CYP24A1: variants seen among roughly 807,000 people sequenced by gnomAD.
CYP24A1 encodes the protein 1,25-dihydroxyvitamin D(3) 24-hydroxylase, mitochondrial.
CYP24A1 carries 68 observed loss-of-function variants against 62.4 expected under a neutral mutation model. The observed-to-expected ratio is 1.09, with a 90% CI of 0.90 to 1.33. The LOEUF is 1.33. Ranked by LOEUF, CYP24A1 falls within the 40% of genes most tolerant of loss-of-function variation. The pLI is 0.00. For synonymous variants in CYP24A1, 267 were observed against 253.0 expected, an observed-to-expected ratio of 1.06 and a Z score of -0.52; for missense variants, 787 against 653.0, an observed-to-expected ratio of 1.21 and a Z score of -2.24.
In CYP24A1 at chr20:54,153,811, C is replaced by CA. The variant is rs1421556905; in HGVS notation, c.*960dup. The CA allele has an allele frequency of 6.6e-6, 1 of 152,566 alleles. No individual in the cohort carries two copies. Among genetic ancestry groups the CA allele is most frequent in the Non-Finnish European group, 1.5e-5 (1 of 68,012 alleles). The allele number at this position is 152,566 out of a possible 1,614,324, so 9.5% of individuals were successfully genotyped here. Reference sequence around the variant, plus strand: ...TGAAATCATATTTTTCCTAGGAGTTCAAATCACAAAACAAATGTTATATAA... The same window carrying CA: ...TGAAATCATATTTTTCCTAGGAGTTCAAAATCACAAAACAAATGTTATATAA... On this transcript the variant is annotated 3_prime_UTR_variant, in exon 12 of 12. Coordinates refer to ENST00000216862, the MANE Select transcript of CYP24A1 (RefSeq NM_000782.5).
chr20:54,154,555 T>C lies in CYP24A1; in HGVS notation c.*217A>G, dbSNP rs922900713. ...GGTAGGCAGGGCCTGAAACGGTTTG[T>C]AACCTCTACCTGACTGACAAGTGCC... is the stretch of plus-strand genomic sequence containing the variant. On this transcript the variant is annotated 3_prime_UTR_variant, in exon 12 of 12. Transcript: ENST00000216862. 1 of 152,630 alleles carries C rather than the reference T, an allele frequency of 6.6e-6. No homozygotes were observed. The highest frequency in any genetic ancestry group is 2.4e-5 in the African/African-American group (1 of 41,448). The allele number at this position is 152,630 out of a possible 1,614,324, so 9.5% of individuals were successfully genotyped here. A position where few individuals can be genotyped will look rare whatever the true frequency, so the allele number is the denominator to read the frequency against.
At chr20:54,157,363 T>G (rs2092632523) in intron 10 of CYP24A1, 25 bp downstream of exon 10, 6 of 1,529,104 alleles carry the variant, frequency 3.9e-6, no homozygotes, top group Non-Finnish European at 5.4e-6. Flanking sequence ...CAGAACATAA[T>G]TGCAGAAACC....
At chr20:54,158,060 GTA>G in intron 9 of CYP24A1, 24 bp downstream of exon 9, 1 of 1,612,282 alleles carries the variant, frequency 6.2e-7, no homozygotes, top group Non-Finnish European at 8.5e-7. Flanking sequence ...GTTTTGTAAG[GTA>G]TAGAATATAC....
chr20:54,165,641 T>C (rs1041647689), intron 5 of CYP24A1, 101 bp downstream of exon 5: 15 of 786,908 alleles, frequency 1.9e-5, no homozygotes, highest in African/African-American at 1.9e-4. Context: ...TGAAATAAAA[T>C]ATGTGTGTAT....
intron 4 of CYP24A1, among the ~76,000 whole-genome samples, chr20:54,166,666 A>C (rs78851953): frequency 0.02 from 2,997 of 152,228 alleles, 55 homozygotes; most frequent in Non-Finnish European, 0.028. Context: ...TCCATAAAAA[A>C]TCTACTGTGT....
At chr20:54,149,032 C>T (rs576505847), downstream of CYP24A1, among the ~76,000 whole-genome samples, 3 of 152,278 alleles carry the variant, frequency 2.0e-5, no homozygotes, top group Admixed American at 6.5e-5. Context: ...TAGTAGGATA[C>T]AGATGGCGTA....
At chr20:54,164,017 C>A (rs2146484424) in intron 6 of CYP24A1, among the ~76,000 whole-genome samples, 1 of 152,266 alleles carries the variant, frequency 6.6e-6, no homozygotes, top group South Asian at 2.1e-4. Context: ...CTCACTGCAA[C>A]CTCCGCCTCC....
chr20:54,151,720 G>A (rs1403743478), downstream of CYP24A1, among the ~76,000 whole-genome samples: 3 of 151,758 alleles, frequency 2.0e-5, no homozygotes, highest in African/African-American at 4.8e-5. Context: ...GTGCCACCAC[G>A]CCCAGCTAAT....
At chr20:54,159,228 C>A in intron 7 of CYP24A1, 105 bp from the exon 8 acceptor site, 1 of 888,976 alleles carries the variant, frequency 1.1e-6, no homozygotes, top group Non-Finnish European at 1.9e-6. Flanking sequence ...GCAAATGTAT[C>A]AGTGAAGCTC....
At chr20:54,150,336 T>C (rs1056956240), downstream of CYP24A1, among the ~76,000 whole-genome samples, 3 of 152,150 alleles carry the variant, frequency 2.0e-5, no homozygotes, top group African/African-American at 7.2e-5. Flanking sequence ...AAATCCTAGA[T>C]TTTATTTTAT....
At chr20:54,165,721 T>G (rs371538155) in intron 5 of CYP24A1, 21 bp downstream of exon 5, 1 of 1,196,072 alleles carries the variant, frequency 8.4e-7, no homozygotes, top group Admixed American at 1.7e-5. Flanking sequence ...AGAAAACTGC[T>G]TTCTTAAAGA....
rs767854971 is a variant in CYP24A1 at position 54,173,096 on chromosome 20, C to G, written c.262G>C (p.Glu88Gln). ...ATCTTGCCATACTTCTTGTGGTACT[C>G]CACCTGCAGCCGGCCGGGCACAGCG... is the stretch of plus-strand genomic sequence containing the variant. ...GLKKQHDTLV[E>Q]YHKKYGKIFR... is the part of the protein sequence containing the mutation. The change falls in exon 2 of 12, where the codon GAG becomes CAG. Residue 88 changes from glutamate (E) to glutamine (Q), a missense_variant. Physicochemically the swap from Glu to Gln is conservative, Grantham distance 29. Transcript: ENST00000216862. The surrounding 1 kb of genome is among the most constrained non-coding windows in gnomAD (Gnocchi z 7.2). 10 of 1,602,278 alleles carry G rather than the reference C, an allele frequency of 6.2e-6. No homozygotes were observed. The highest frequency in any genetic ancestry group is 3.3e-5 in the Admixed American group (2 of 60,010).
At chr20:54,153,161 C>T (rs190578061), downstream of CYP24A1, among the ~76,000 whole-genome samples, 493 of 152,290 alleles carry the variant, frequency 3.2e-3, 2 homozygotes, top group African/African-American at 0.012. Context: ...TTCTACCCCC[C>T]TTTCAATCAC....
At chr20:54,157,610 T>C in intron 9 of CYP24A1, 25 bp from the exon 10 acceptor site, 1 of 1,345,542 alleles carries the variant, frequency 7.4e-7, no homozygotes, top group Non-Finnish European at 1.1e-6. Flanking sequence ...AGACACATAG[T>C]ATTTAAAATA....
chr20:54,173,604 G>A lies in CYP24A1; in HGVS notation c.-25C>T, dbSNP rs1568976985. On this transcript the variant is annotated 5_prime_UTR_variant, in exon 1 of 12. Transcript: ENST00000216862. The surrounding 1 kb of genome is among the most constrained non-coding windows in gnomAD (Gnocchi z 7.2). The stretch of plus-strand genomic sequence containing the variant: ...TGGCAGCGGGGGACACCGGAGCGCG[G>A]GAAGGCAGGAGGATGGGGTGGGGCG... 6.5e-7 allele frequency: 1 copy of A among 1,550,016 alleles called. No homozygotes were observed. Among genetic ancestry groups the A allele is most frequent in the Non-Finnish European group, 8.7e-7 (1 of 1,148,860 alleles).
intron 4 of CYP24A1, among the ~76,000 whole-genome samples, chr20:54,168,414 T>G (rs1052731301): frequency 2.6e-5 from 4 of 151,980 alleles, no homozygotes; most frequent in Non-Finnish European, 4.4e-5. Context: ...CCTGCCTTCT[T>G]TTTGACCTCA....
chr20:54,153,784 T>C lies in CYP24A1; in HGVS notation c.*988A>G, dbSNP rs1386337522. ...CATGCATTTCTGTGCATTTTACATTTATGAAATCATATTTTTCCTAGGAGT... is the reference window on the plus strand; with the variant it reads ...CATGCATTTCTGTGCATTTTACATTCATGAAATCATATTTTTCCTAGGAGT... On this transcript the variant is annotated 3_prime_UTR_variant, in exon 12 of 12. Coordinates refer to ENST00000216862, the MANE Select transcript of CYP24A1 (RefSeq NM_000782.5). 6.5e-6 allele frequency: 1 copy of C among 152,684 alleles called. No individual in the cohort carries two copies. The highest frequency in any genetic ancestry group is 1.5e-5 in the Non-Finnish European group (1 of 68,044). The allele number at this position is 152,684 out of a possible 1,614,324, so 9.5% of individuals were successfully genotyped here. A position where few individuals can be genotyped will look rare whatever the true frequency, so the allele number is the denominator to read the frequency against.
chr20:54,168,479 C>T (rs950174587), intron 4 of CYP24A1, among the ~76,000 whole-genome samples: 1 of 152,124 alleles, frequency 6.6e-6, no homozygotes, highest in Non-Finnish European at 1.5e-5. Context: ...TCCACTCACA[C>T]CAGCAGCTTG....
chr20:54,165,886 G>A lies in CYP24A1; in HGVS notation c.641-53C>T. On this transcript the variant is annotated intron_variant, in intron 4 of 11. Transcript: ENST00000216862. ...CACAAACAGCAATGCTGGAGTTGGA[G>A]TCTATGTTTAGCTGGTTATTAAAGA... 5 of 918,636 alleles carry A rather than the reference G, an allele frequency of 5.4e-6. No homozygotes were observed. The Admixed American group carries it at 8.4e-5, about 16-fold the overall frequency. 56.9% of individuals were successfully genotyped at this position (918,636 alleles called of 1,614,324 possible). A position where few individuals can be genotyped will look rare whatever the true frequency, so the allele number is the denominator to read the frequency against.
Sources: gnomAD v4.1 joint callset for allele counts (sites outside exome capture counted in the v4.1 genomes callset) on GRCh38, gnomAD v4.1.1 for gene constraint, Gnocchi (gnomAD v3.1) non-coding constraint, MANE v1.5 for transcripts, NCBI Gene and HGNC (gene_info 2026-07-23, HGNC 2026-07-21) for gene names.